ITGAL: variants seen among roughly 807,000 people sequenced by gnomAD.
ITGAL encodes the protein integrin subunit alpha L.
In ITGAL, 68 loss-of-function variants were observed where a neutral mutation model predicts 138.4. That is an observed-to-expected ratio of 0.49 (90% CI 0.40 to 0.60). The LOEUF is 0.60. Ranked by LOEUF, ITGAL falls within the 20% of genes least tolerant of loss-of-function variation. ITGAL has a pLI of 0.00. For synonymous variants in ITGAL, 561 were observed against 584.3 expected (o/e 0.96, Z 0.57); for missense variants, 1,256 against 1,478.6 (o/e 0.85, Z 2.47).
At chr16:30,515,559 T>G (rs552435737) in intron 25 of ITGAL, among the ~76,000 whole-genome samples, 1 of 152,310 alleles carries the variant, frequency 6.6e-6, no homozygotes, top group Non-Finnish European at 1.5e-5. Context: ...CTTTCCAGCC[T>G]CAGCTCCTGT....
chr16:30,476,507 C>T (rs1159774573), intron 4 of ITGAL, among the ~76,000 whole-genome samples: 2 of 151,906 alleles, frequency 1.3e-5, no homozygotes, highest in Admixed American at 6.6e-5. Context: ...TTTCTTACAT[C>T]ATATTGCTTA....
In ITGAL at chr16:30,483,799, C is replaced by T. The variant is rs1424649283; in HGVS notation, c.723-28C>T. ...ACCTCAGGCCCTAGTTTGGGGGAGT[C>T]TCTCATCTCCTCCTTTCCTGGACAC... On this transcript the variant is annotated intron_variant, in intron 7 of 30. Transcript: ENST00000356798. 3 of 1,586,492 alleles carry T rather than the reference C, an allele frequency of 1.9e-6. No individual in the cohort carries two copies. In the South Asian group the frequency reaches 3.4e-5, roughly 18 times the overall value.
At chr16:30,478,328 C>T (rs1378845872) in intron 4 of ITGAL, among the ~76,000 whole-genome samples, 1 of 135,180 alleles carries the variant, frequency 7.4e-6, no homozygotes, top group Non-Finnish European at 1.6e-5. Context: ...AGCGAGACTC[C>T]GTCAAAAAAA....
intron 21 of ITGAL, 57 bp downstream of exon 21, chr16:30,506,913 T>C (rs574803819): frequency 6.3e-7 from 1 of 1,595,592 alleles, no homozygotes; most frequent in African/African-American, 1.3e-5. Context: ...ACTGCCCCCT[T>C]CTTTGAGCCC....
In ITGAL at chr16:30,475,400, G is replaced by A. The variant is rs1261454691; in HGVS notation, c.259G>A (p.Gly87Ser). 2.5e-6 allele frequency: 4 copies of A among 1,612,482 alleles called. No individual in the cohort carries two copies. The Admixed American group carries it at 5.0e-5, about 20-fold the overall frequency. The change falls in exon 3 of 31, where the codon GGT becomes AGT. Residue 87 changes from glycine (G) to serine (S), a missense_variant and splice_region_variant. Around this residue, in one of 3 missense-constraint regions of ITGAL, gnomAD observed 212 missense variants for 217.4 expected, o/e 0.98. Transcript: ENST00000356798. Reference sequence around the variant, plus strand: ...ACACTGCCTGCCAGTCACCCTGAGAGGTGAGTAACTGGGGGGTGAGCTGGG... The same window carrying A: ...ACACTGCCTGCCAGTCACCCTGAGAAGTGAGTAACTGGGGGGTGAGCTGGG... ...TGHCLPVTLRGSNYTSKYLGM... is the reference protein window; with the variant it reads ...TGHCLPVTLRSSNYTSKYLGM...
At chr16:30,504,349 C>A in intron 18 of ITGAL, 85 bp downstream of exon 18, 1 of 1,010,170 alleles carries the variant, frequency 9.9e-7, no homozygotes, top group Non-Finnish European at 1.6e-6. Flanking sequence ...GGGCAGCACA[C>A]TCCTATAATC....
intron 15 of ITGAL, 200 bp from the exon 16 acceptor site, chr16:30,498,874 C>G: frequency 1.8e-6 from 1 of 549,060 alleles, no homozygotes; most frequent in Non-Finnish European, 3.2e-6. Context: ...GCACTCCAGC[C>G]TGGGCAACAG....
intron 6 of ITGAL, among the ~76,000 whole-genome samples, chr16:30,480,171 G>A (rs577466965): frequency 2.6e-5 from 4 of 152,076 alleles, no homozygotes; most frequent in South Asian, 4.2e-4. Context: ...GATCTCTCAA[G>A]AGATCCTCCT....
intron 9 of ITGAL, among the ~76,000 whole-genome samples, chr16:30,485,198 C>A (rs1175680432): frequency 7.3e-5 from 9 of 122,762 alleles, no homozygotes; most frequent in Non-Finnish European, 1.2e-4. Flanking sequence ...CCCTTCCTCT[C>A]CCCTCCTCTT....
chr16:30,478,995 G>A (rs2151143687), intron 4 of ITGAL, 96 bp from the exon 5 acceptor site: 1 of 883,826 alleles, frequency 1.1e-6, no homozygotes, highest in Non-Finnish European at 1.9e-6. Flanking sequence ...GTGAGAAAGA[G>A]GACAAGGACT....
chr16:30,501,310 T>G (rs1005771663), intron 17 of ITGAL, among the ~76,000 whole-genome samples: 1 of 151,614 alleles, frequency 6.6e-6, no homozygotes, highest in African/African-American at 2.4e-5. Flanking sequence ...GCACGGTGGT[T>G]CATACCTGTA....
At chr16:30,498,052 G>A (rs147611185) in intron 15 of ITGAL, among the ~76,000 whole-genome samples, 5 of 151,782 alleles carry the variant, frequency 3.3e-5, no homozygotes, top group Non-Finnish European at 7.4e-5. Flanking sequence ...GTGGTTGTGG[G>A]GGCCCCTCTG....
At chr16:30,484,673 C>T (rs1439010721) in intron 9 of ITGAL, among the ~76,000 whole-genome samples, 1 of 151,980 alleles carries the variant, frequency 6.6e-6, no homozygotes, top group Non-Finnish European at 1.5e-5. Flanking sequence ...AATCCCAGCA[C>T]TTTGGGAGGC....
At chr16:30,496,360 C>T (rs999530101) in intron 14 of ITGAL, 66 bp downstream of exon 14, 9 of 1,609,224 alleles carry the variant, frequency 5.6e-6, no homozygotes, top group Non-Finnish European at 7.7e-6. Flanking sequence ...GCCCAGACCC[C>T]ACTCCCCAGC....
At chr16:30,487,066 C>A (rs1228920438) in intron 9 of ITGAL, among the ~76,000 whole-genome samples, 1 of 151,228 alleles carries the variant, frequency 6.6e-6, no homozygotes, top group East Asian at 2.0e-4. Context: ...TGGCGTGAAT[C>A]CTGGAGGTGG....
intron 9 of ITGAL, among the ~76,000 whole-genome samples, chr16:30,485,678 AT>A (rs60648321): frequency 0.31 from 44,216 of 140,938 alleles, 6,900 homozygotes; most frequent in Non-Finnish European, 0.36. Flanking sequence ...CACCTGGCTA[AT>A]TTTTTTTTTT....
intron 9 of ITGAL, among the ~76,000 whole-genome samples, chr16:30,484,647 G>A (rs34674102): frequency 0.083 from 12,616 of 151,486 alleles, 1,697 homozygotes; most frequent in African/African-American, 0.29. Context: ...GGCCGGACGC[G>A]GTGGCTCACA....
intron 15 of ITGAL, among the ~76,000 whole-genome samples, chr16:30,496,956 T>C (rs2050809566): frequency 6.6e-6 from 1 of 152,102 alleles, no homozygotes; most frequent in African/African-American, 2.4e-5. Context: ...AATTTTTATT[T>C]TTTTTAATAT....
rs541643132 is a variant in ITGAL, at chr16:30,499,662, A to G, written c.2145+173A>G. 4.0e-4 allele frequency: 84 copies of G among 208,822 alleles called. 3 individuals carry two copies. The South Asian group carries it at 4.7e-3, about 12-fold the overall frequency. The allele number at this position is 208,822 out of a possible 1,614,324, so 12.9% of individuals were successfully genotyped here. ...TATTTTCTTCTAGTGTTTTTTTTAA[A>G]TTATATATATATGTGTATATATATG... On this transcript the variant is annotated intron_variant, in intron 17 of 30. Transcript: ENST00000356798.
Sources: allele counts gnomAD v4.1 joint callset (sites outside exome capture counted in the v4.1 genomes callset), GRCh38; gene constraint gnomAD v4.1.1; regional missense constraint gnomAD v4.1.1; transcripts MANE v1.5; gene names NCBI Gene and HGNC (gene_info 2026-07-23, HGNC 2026-07-21).